Variants in FLT3 observed in about 807,000 individuals in gnomAD.
FLT3 encodes fms related receptor tyrosine kinase 3, also known as receptor-type tyrosine-protein kinase FLT3.
A neutral mutation model predicts 126.6 loss-of-function variants in FLT3; 46 were observed. The observed-to-expected ratio is 0.36, with a 90% CI of 0.29 to 0.46. FLT3 has a LOEUF of 0.46. FLT3 is among the 20% of genes least tolerant of loss of function. The pLI is 1.00. For synonymous variants in FLT3, 404 were observed against 434.4 expected (o/e 0.93, Z 0.87); for missense variants, 1,069 against 1,190.3 (o/e 0.90, Z 1.50).
intron 1 of FLT3, among the ~76,000 whole-genome samples, chr13:28,092,335 T>G (rs962442528): frequency 6.6e-6 from 1 of 151,970 alleles, no homozygotes; most frequent in African/African-American, 2.4e-5. Flanking sequence ...CTCTCCCTCA[T>G]TTCCCATTAC....
intron 15 of FLT3, among the ~76,000 whole-genome samples, chr13:28,031,174 G>A (rs947964305): frequency 6.6e-6 from 1 of 152,062 alleles, no homozygotes; most frequent in Non-Finnish European, 1.5e-5. Flanking sequence ...CTTACAGTGA[G>A]CTGAGATGGT....
chr13:28,015,031 A>AT (rs1871714212), intron 22 of FLT3, 126 bp downstream of exon 22: 1 of 630,830 alleles, frequency 1.6e-6, no homozygotes, highest in Admixed American at 3.0e-5. Context: ...CCTCACTTCT[A>AT]TTTTTTAAAA....
rs528461078 is a variant in FLT3 at position 28,029,515 on chromosome 13, A to G, written c.1943-1227T>C. ...TAAAAATCCTTACAGTTGGCCCTCA[A>G]AACAAACAAACAAAATAATAACACA... On this transcript the variant is annotated intron_variant, in intron 15 of 23. Coordinates refer to ENST00000241453, the MANE Select transcript of FLT3 (RefSeq NM_004119.3). Among the ~76,000 whole-genome samples the G allele has an allele frequency of 7.9e-5, 12 of 152,318 alleles. 1 individual carries two copies. The highest frequency in any genetic ancestry group is 2.9e-4 in the African/African-American group (12 of 41,570).
chr13:28,023,287 CAT>C, intron 19 of FLT3, 61 bp downstream of exon 19: 3 of 1,508,462 alleles, frequency 2.0e-6, no homozygotes, highest in Non-Finnish European at 9.0e-7. Context: ...AACAAGAAAA[CAT>C]ATATAAGCAC....
intron 1 of FLT3, among the ~76,000 whole-genome samples, chr13:28,076,615 G>T (rs989450766): frequency 1.3e-5 from 2 of 152,120 alleles, no homozygotes; most frequent in Admixed American, 6.5e-5. Flanking sequence ...AGGAGAAAAG[G>T]TGTTCTACTC....
At chr13:28,061,315 C>CACT (rs1593275658) in intron 3 of FLT3, among the ~76,000 whole-genome samples, 1 of 151,492 alleles carries the variant, frequency 6.6e-6, no homozygotes, top group East Asian at 2.0e-4. Context: ...AAGACCAGGC[C>CACT]ACTGCACTCC....
At chr13:28,096,923 T>C (rs926933093) in intron 1 of FLT3, among the ~76,000 whole-genome samples, 1 of 152,180 alleles carries the variant, frequency 6.6e-6, no homozygotes, top group African/African-American at 2.4e-5. Context: ...TGCTTGTGCC[T>C]AGCAAGAAAT....
At chr13:28,032,722 G>T (rs139057693) in intron 15 of FLT3, among the ~76,000 whole-genome samples, 47 of 152,226 alleles carry the variant, frequency 3.1e-4, no homozygotes, top group African/African-American at 1.1e-3. Flanking sequence ...AGCCCACAAA[G>T]GACTGAGAAG....
intron 1 of FLT3, among the ~76,000 whole-genome samples, chr13:28,083,502 T>C (rs887463685): frequency 2.0e-5 from 3 of 152,234 alleles, no homozygotes; most frequent in Admixed American, 6.5e-5. Context: ...GCTGGCTTCA[T>C]AGAATGAGTT....
intron 1 of FLT3, among the ~76,000 whole-genome samples, chr13:28,097,163 C>T (rs1879507763): frequency 6.6e-6 from 1 of 151,578 alleles, no homozygotes; most frequent in Admixed American, 6.6e-5. Context: ...CTGCAGTGAG[C>T]TGTGATCACA....
In FLT3 at chr13:28,008,021, T is replaced by C. The variant is rs186139354; in HGVS notation, c.2860-3847A>G. On this transcript the variant is annotated intron_variant, in intron 23 of 23. Coordinates refer to ENST00000241453, the MANE Select transcript of FLT3 (RefSeq NM_004119.3). ...CTCTCTCCACCTTCTTCTTTATTGT[T>C]GTTTGTTTTTTCCCTAGCTTCTTAA... Among the ~76,000 whole-genome samples, 7 of 152,180 alleles carry C rather than the reference T, an allele frequency of 4.6e-5. No homozygotes were observed. The East Asian group carries it at 9.7e-4, about 21-fold the overall frequency.
chr13:28,014,061 C>T (rs960900615), intron 23 of FLT3, among the ~76,000 whole-genome samples: 1 of 151,994 alleles, frequency 6.6e-6, no homozygotes, highest in African/African-American at 2.4e-5. Flanking sequence ...CGCTTGAGCC[C>T]AGGAGTTCAA....
rs1230600094 is a variant in FLT3, at chr13:28,049,496, A to T, written c.924T>A (p.Thr308=). The T allele has an allele frequency of 1.4e-5, 22 of 1,613,514 alleles. No individual in the cohort carries two copies. The highest frequency in any genetic ancestry group is 1.8e-5 in the Non-Finnish European group (21 of 1,179,452). Residue 308 remains threonine, a synonymous_variant, in exon 8 of 24, where the codon ACT becomes ACA. Coordinates refer to ENST00000241453, the MANE Select transcript of FLT3 (RefSeq NM_004119.3). ...CAAAAGCAAACAGAATCCGTATCATAGTTCTGTTTGTTGAATAGGTACTCA... is the reference window on the plus strand; with the variant it reads ...CAAAAGCAAACAGAATCCGTATCATTGTTCTGTTTGTTGAATAGGTACTCA... ...FEMSTYSTNR[T]MIRILFAFVS... is the part of the protein sequence containing the mutation.
At position 28,052,528 on chromosome 13, in the gene FLT3, C is replaced by T. The variant is rs377680567; in HGVS notation, c.614+17G>A. ...AAGGAAATTATGAGAATAGCAGCTA[C>T]CATGGATGTGTCATACCTTTCCCCC... On this transcript the variant is annotated intron_variant, in intron 5 of 23. Transcript: ENST00000241453. 2.5e-6 allele frequency: 4 copies of T among 1,602,546 alleles called. No homozygotes were observed. The highest frequency in any genetic ancestry group is 3.4e-6 in the Non-Finnish European group (4 of 1,175,012).
At position 28,034,069 on chromosome 13, in the gene FLT3, A is replaced by T. The variant is rs755119728; in HGVS notation, c.1837+13T>A. Reference sequence around the variant, plus strand: ...GAAATGCTGCAGAAACATTTGGCACATTCCATTCTTACCAAACTCTAAATT... The same window carrying T: ...GAAATGCTGCAGAAACATTTGGCACTTTCCATTCTTACCAAACTCTAAATT... On this transcript the variant is annotated intron_variant, in intron 14 of 23. Coordinates refer to ENST00000241453, the MANE Select transcript of FLT3 (RefSeq NM_004119.3). 5 of 1,613,824 alleles carry T rather than the reference A, an allele frequency of 3.1e-6. No homozygotes were observed. Among genetic ancestry groups the T allele is most frequent in the Non-Finnish European group, 4.2e-6 (5 of 1,179,912 alleles).
intron 1 of FLT3, among the ~76,000 whole-genome samples, chr13:28,078,989 G>A (rs1336431789): frequency 6.6e-6 from 1 of 152,230 alleles, no homozygotes; most frequent in African/African-American, 2.4e-5. Flanking sequence ...TGGGGTTACA[G>A]GCGTGAGCCA....
chr13:28,046,321 C>A (rs1056595796), intron 9 of FLT3, among the ~76,000 whole-genome samples: 2 of 152,124 alleles, frequency 1.3e-5, no homozygotes, highest in African/African-American at 4.8e-5. Flanking sequence ...TAGTACAAAT[C>A]CCTTTTAGGT....
chr13:28,035,528 T>G lies in FLT3; in HGVS notation c.1564A>C (p.Thr522Pro), dbSNP rs780421585. The G allele has an allele frequency of 6.2e-7, 1 of 1,614,100 alleles. No homozygotes were observed. The highest frequency in any genetic ancestry group is 8.5e-7 in the Non-Finnish European group (1 of 1,180,030). Residue 522 changes from threonine (T) to proline (P), a missense_variant, in exon 12 of 24, where the codon ACA becomes CCA. By Grantham distance (38) the Thr-to-Pro change is conservative (BLOSUM62 -1). Coordinates refer to ENST00000241453, the MANE Select transcript of FLT3 (RefSeq NM_004119.3). ...VKCCAYNSLG[T>P]SCETILLNSP... ...TTTAAAAGGATCGTCTCACAAGATGTGCCAAGGGAATTGTATGCACAGCAC... is the reference window on the plus strand; with the variant it reads ...TTTAAAAGGATCGTCTCACAAGATGGGCCAAGGGAATTGTATGCACAGCAC...
At chr13:28,089,722 G>A (rs1017806886) in intron 1 of FLT3, among the ~76,000 whole-genome samples, 40 of 149,078 alleles carry the variant, frequency 2.7e-4, no homozygotes, top group African/African-American at 8.3e-4. Context: ...GTTGACTACA[G>A]AAGGGCATGA....
Sources: allele counts gnomAD v4.1 joint callset (sites outside exome capture counted in the v4.1 genomes callset), GRCh38; gene constraint gnomAD v4.1.1; transcripts MANE v1.5; gene names NCBI Gene and HGNC (gene_info 2026-07-23, HGNC 2026-07-21).